APOOL: variants seen among roughly 807,000 people sequenced by gnomAD.
APOOL encodes MICOS complex subunit MIC27.
Under a neutral mutation model 23.1 loss-of-function variants are expected in APOOL, and 12 were observed. The ratio of observed to expected loss-of-function variants is 0.52; its 90% confidence interval spans 0.33 to 0.84. The LOEUF (loss-of-function observed/expected upper bound fraction) is 0.84. Among genes scored for constraint, APOOL ranks in the 40% least tolerant of loss-of-function variants. APOOL has a pLI of 0.02. For missense variants in APOOL, 212 were observed against 199.6 expected (o/e 1.06, Z -0.37); for synonymous variants, 77 against 69.9 (o/e 1.10, Z -0.51).
At chrX:85,016,413 G>A (rs760578710) in intron 1 of APOOL, among the ~76,000 whole-genome samples, 24 of 110,038 alleles carry the variant, frequency 2.2e-4, no homozygotes, top group African/African-American at 6.6e-4. Context: ...AGTTATTCAC[G>A]TCATAGCCTC....
chrX:85,024,725 C>T (rs1209004699), intron 1 of APOOL, among the ~76,000 whole-genome samples: 1 of 112,670 alleles, frequency 8.9e-6, no homozygotes, highest in Non-Finnish European at 1.9e-5. Context: ...CTGGACTTTT[C>T]GCCAGCAGCC....
At chrX:85,058,095 G>A (rs917020461) in intron 5 of APOOL, among the ~76,000 whole-genome samples, 2 of 110,648 alleles carry the variant, frequency 1.8e-5, no homozygotes, top group Admixed American at 1.9e-4. Context: ...AAGTTCCAGG[G>A]TACATGTACA....
rs752255967 is a variant in APOOL, at chrX:85,076,995, T to TTATA, written c.718+2623_718+2626dup. 5.7e-3 allele frequency among the ~76,000 whole-genome samples: 472 copies of TTATA among 82,478 alleles called. 12 individuals are homozygous for TTATA. The highest frequency in any genetic ancestry group is 0.047 in the Admixed American group (327 of 7,025). The allele number at this position is 82,478 out of a possible 115,157, so 71.6% of individuals were successfully genotyped here. On this transcript the variant is annotated intron_variant, in intron 8 of 8. Transcript: ENST00000373173. ...TTTTTAGGTGATAAATTTGCTAAAC[T>TTATA]TATATATATATATATATATATACGT... is the stretch of plus-strand genomic sequence containing the variant.
At chrX:85,053,377 G>A (rs1017021073) in intron 3 of APOOL, among the ~76,000 whole-genome samples, 1 of 111,795 alleles carries the variant, frequency 8.9e-6, no homozygotes, top group African/African-American at 3.2e-5. Flanking sequence ...TTTAAACCAA[G>A]ATGAACCTCT....
intron 8 of APOOL, among the ~76,000 whole-genome samples, chrX:85,082,369 G>T (rs888076500): frequency 1.3e-4 from 14 of 110,659 alleles, no homozygotes. Flanking sequence ...AGGTATGTTG[G>T]AATTTGCTAA....
chrX:85,049,645 G>A (rs1029937555), intron 2 of APOOL, among the ~76,000 whole-genome samples: 1 of 110,419 alleles, frequency 9.1e-6, no homozygotes, highest in Non-Finnish European at 1.9e-5. Flanking sequence ...AATTAGCCGG[G>A]TTTGTTGGGG....
At chrX:85,087,503 A>C in intron 8 of APOOL, 87 bp from the exon 9 acceptor site, 1 of 791,973 alleles carries the variant, frequency 1.3e-6, no homozygotes, top group Non-Finnish European at 1.8e-6. Context: ...AGAGATTTTT[A>C]TCTGGTTTGT....
intron 5 of APOOL, among the ~76,000 whole-genome samples, chrX:85,060,090 A>C (rs1406714107): frequency 6.3e-5 from 7 of 110,719 alleles, no homozygotes; most frequent in South Asian, 3.8e-4. Context: ...TCAGCTTTCT[A>C]CATATGACTA....
chrX:85,023,731 G>A (rs1247287933), intron 1 of APOOL, among the ~76,000 whole-genome samples: 1 of 112,168 alleles, frequency 8.9e-6, no homozygotes, highest in Non-Finnish European at 1.9e-5. Context: ...ACAGAGTAGA[G>A]TCCAGAGTAA....
intron 1 of APOOL, among the ~76,000 whole-genome samples, chrX:85,031,235 G>T (rs1288631780): frequency 1.8e-5 from 2 of 111,585 alleles, no homozygotes; most frequent in East Asian, 5.7e-4. Context: ...TTAGTTGTTT[G>T]CCTCCACAAA....
At chrX:85,056,743 CA>C (rs1002122387) in intron 5 of APOOL, among the ~76,000 whole-genome samples, 6 of 107,483 alleles carry the variant, frequency 5.6e-5, no homozygotes, top group African/African-American at 6.8e-5. Context: ...AACTCCATCT[CA>C]AAAAAAAAAT....
rs139283470 is a variant in APOOL, at chrX:85,019,112, G to A, written c.15+15185G>A. Among the ~76,000 whole-genome samples the A allele has an allele frequency of 6.0e-3, 671 of 111,748 alleles. 4 individuals carry two copies. The highest frequency in any genetic ancestry group is 0.021 in the African/African-American group (636 of 30,693). ...GTTATTCCTCTTGGCACTGGTTGTG[G>A]CATGCTGGCATTCACACAACCGCAG... On this transcript the variant is annotated intron_variant, in intron 1 of 8. Transcript: ENST00000373173.
intron 5 of APOOL, 31 bp downstream of exon 5, chrX:85,055,956 A>T (rs756237988): frequency 3.8e-6 from 4 of 1,039,228 alleles, no homozygotes; most frequent in Non-Finnish European, 5.2e-6. Flanking sequence ...TTCTCTCTTA[A>T]TGCCATGATA....
At chrX:85,074,943 C>T (rs761422513) in intron 8 of APOOL, among the ~76,000 whole-genome samples, 18 of 110,199 alleles carry the variant, frequency 1.6e-4, no homozygotes, top group African/African-American at 5.3e-4. Context: ...TGGGACCAAG[C>T]AGTGACAATT....
At position 85,093,296 on chromosome X, in the gene APOOL, A is replaced by C. The variant is rs2147677457; in HGVS notation, c.*5618A>C. 1.0e-6 allele frequency: 1 copy of C among 982,423 alleles called. No homozygotes were observed. Among genetic ancestry groups the C allele is most frequent in the African/African-American group, 1.9e-5 (1 of 51,756 alleles). The allele number at this position is 982,423 out of a possible 1,213,427, so 81.0% of individuals were successfully genotyped here. The stretch of plus-strand genomic sequence containing the variant: ...CTTGTTATTTGCTTTAGTTTAAAAT[A>C]AATAATATCTAAAACTCTGTATCTG... On this transcript the variant is annotated 3_prime_UTR_variant, in exon 9 of 9. Transcript: ENST00000373173.
At chrX:85,025,231 A>G (rs760189174) in intron 1 of APOOL, among the ~76,000 whole-genome samples, 95 of 111,029 alleles carry the variant, frequency 8.6e-4, no homozygotes, top group Non-Finnish European at 1.7e-3. Context: ...GCAACAGCTC[A>G]CTCACTGTCA....
At chrX:85,084,907 T>C (rs1924237459) in intron 8 of APOOL, among the ~76,000 whole-genome samples, 1 of 111,130 alleles carries the variant, frequency 9.0e-6, no homozygotes, top group Non-Finnish European at 1.9e-5. Flanking sequence ...ATTTGTCACA[T>C]GCCTACTATA....
At chrX:85,030,647 ACT>A (rs1176839870) in intron 1 of APOOL, among the ~76,000 whole-genome samples, 1 of 112,062 alleles carries the variant, frequency 8.9e-6, no homozygotes, top group Non-Finnish European at 1.9e-5. Flanking sequence ...AAATGAAGTA[ACT>A]CAGGAATGGA....
At chrX:85,043,761 T>A (rs1922480211) in intron 1 of APOOL, among the ~76,000 whole-genome samples, 2 of 111,600 alleles carry the variant, frequency 1.8e-5, no homozygotes, top group South Asian at 7.4e-4. Flanking sequence ...GTTGGATAGA[T>A]TTTATTGTTA....
Sources: gnomAD v4.1 joint callset for allele counts (sites outside exome capture counted in the v4.1 genomes callset) on GRCh38, gnomAD v4.1.1 for gene constraint, MANE v1.5 for transcripts, NCBI Gene and HGNC (gene_info 2026-07-23, HGNC 2026-07-21) for gene names.